Variants in RARB observed in about 807,000 individuals in gnomAD.
RARB encodes the protein HBV-activated protein.
In RARB, 17 loss-of-function variants were observed where a neutral mutation model predicts 51.9. The observed-to-expected ratio is 0.33, with a 90% CI of 0.22 to 0.49. The LOEUF (loss-of-function observed/expected upper bound fraction) is 0.49, where lower values mean the gene tolerates loss of function less well. RARB is among the 20% of genes least tolerant of loss of function. RARB has a pLI of 0.99. For synonymous variants in RARB, 215 were observed against 195.4 expected, an observed-to-expected ratio of 1.10 and a Z score of -0.84; for missense variants, 369 against 550.8, an observed-to-expected ratio of 0.67 and a Z score of 3.30.
chr3:25,506,772 A>G (rs566907294), intron 3 of RARB, among the ~76,000 whole-genome samples: 35 of 152,400 alleles, frequency 2.3e-4, no homozygotes, highest in African/African-American at 7.9e-4. Flanking sequence ...CCCACAGGCC[A>G]TGGTTTGCCA....
chr3:25,119,358 C>T (rs1314629138), intron 3 of RARB, among the ~76,000 whole-genome samples: 3 of 152,050 alleles, frequency 2.0e-5, no homozygotes, highest in Non-Finnish European at 4.4e-5. Context: ...TTGACCTTGG[C>T]AAATTGTCTA....
intron 1 of RARB, among the ~76,000 whole-genome samples, chr3:25,456,482 T>C (rs1023616172): frequency 1.3e-5 from 2 of 151,796 alleles, no homozygotes; most frequent in African/African-American, 4.8e-5. Flanking sequence ...GGTTTCCTGG[T>C]TGTAATTCTA....
chr3:25,277,595 T>C (rs751629165), intron 5 of RARB, among the ~76,000 whole-genome samples: 7 of 152,238 alleles, frequency 4.6e-5, no homozygotes, highest in Non-Finnish European at 8.8e-5. Context: ...ACTTAACTTA[T>C]GCAATGTTAT....
intron 1 of RARB, among the ~76,000 whole-genome samples, chr3:24,834,124 A>G (rs1475092366): frequency 2.6e-5 from 4 of 152,232 alleles, no homozygotes; most frequent in African/African-American, 9.6e-5. Flanking sequence ...ATTCAATACT[A>G]AGAGGTTGGA....
chr3:25,235,024 GC>G (rs1454203783), intron 5 of RARB, among the ~76,000 whole-genome samples: 1 of 152,096 alleles, frequency 6.6e-6, no homozygotes, highest in Non-Finnish European at 1.5e-5. Flanking sequence ...TTCATAGGGG[GC>G]CCCCTTTTTG....
chr3:25,533,388 A>G (rs558749983), intron 3 of RARB, among the ~76,000 whole-genome samples: 2 of 152,322 alleles, frequency 1.3e-5, no homozygotes, highest in South Asian at 4.1e-4. Flanking sequence ...AATCGAAAAC[A>G]CTAATGAGCC....
At chr3:25,368,609 A>G (rs1706204410) in intron 5 of RARB, among the ~76,000 whole-genome samples, 1 of 152,232 alleles carries the variant, frequency 6.6e-6, no homozygotes, top group African/African-American at 2.4e-5. Context: ...AACCTAGGTC[A>G]TGATAAGGCA....
In RARB at chr3:25,412,309, G is replaced by GT. The variant is rs201874959; in HGVS notation, c.179-48877dup. The stretch of plus-strand genomic sequence containing the variant: ...CATCTTAATATATTGAGGCTTTGGT[G>GT]TTTTTTTAATTGAATGTTGCTATTA... On this transcript the variant is annotated intron_variant, in intron 5 of 11. Coordinates refer to the RARB transcript ENST00000383772. Among the ~76,000 whole-genome samples, 678 of 152,148 alleles carry GT rather than the reference G, an allele frequency of 4.5e-3. 7 individuals carry two copies. The highest frequency in any genetic ancestry group is 0.016 in the African/African-American group (655 of 41,516).
At chr3:24,996,363 T>C (rs1486325256) in intron 2 of RARB, among the ~76,000 whole-genome samples, 1 of 152,070 alleles carries the variant, frequency 6.6e-6, no homozygotes, top group African/African-American at 2.4e-5. Context: ...TTTTTCTCAT[T>C]AGTCTATCTA....
chr3:25,323,210 G>C (rs1704621609), intron 5 of RARB, among the ~76,000 whole-genome samples: 1 of 152,212 alleles, frequency 6.6e-6, no homozygotes, highest in African/African-American at 2.4e-5. Context: ...CCAACACACA[G>C]CATCACTGTC....
chr3:25,046,814 G>A (rs1698227053), intron 2 of RARB, among the ~76,000 whole-genome samples: 1 of 152,172 alleles, frequency 6.6e-6, no homozygotes, highest in South Asian at 2.1e-4. Context: ...TTGACTAATA[G>A]TTAATATATG....
At chr3:25,130,886 T>C (rs893812640) in intron 3 of RARB, among the ~76,000 whole-genome samples, 5 of 146,142 alleles carry the variant, frequency 3.4e-5, no homozygotes, top group Admixed American at 1.4e-4. Flanking sequence ...CAATATTTAT[T>C]ATTGATAATA....
chr3:25,574,110 A>G (rs1046958698), intron 4 of RARB, among the ~76,000 whole-genome samples: 1 of 152,206 alleles, frequency 6.6e-6, no homozygotes, highest in African/African-American at 2.4e-5. Context: ...AGCTTTCCAA[A>G]ATAGAATCAG....
At chr3:25,341,978 AAAC>A (rs1463032866) in intron 5 of RARB, among the ~76,000 whole-genome samples, 1 of 152,200 alleles carries the variant, frequency 6.6e-6, no homozygotes, top group Non-Finnish European at 1.5e-5. Flanking sequence ...TCTTCCACTA[AAAC>A]AACACTTCGT....
intron 3 of RARB, among the ~76,000 whole-genome samples, chr3:25,117,523 A>G (rs1200884154): frequency 6.6e-6 from 1 of 152,174 alleles, no homozygotes; most frequent in Non-Finnish European, 1.5e-5. Flanking sequence ...AGGCCAAAGG[A>G]AGCCAATGTA....
chr3:25,249,411 T>C lies in RARB; in HGVS notation c.178+74836T>C, dbSNP rs545080994. Among the ~76,000 whole-genome samples, 9 of 152,272 alleles carry C rather than the reference T, an allele frequency of 5.9e-5. No homozygotes were observed. In the South Asian group the frequency reaches 1.9e-3, roughly 32 times the overall value. ...AACTTTTTAATATCATTAATTTGAA[T>C]TCGTTTTCCAGAATGTCATAAATTT... On this transcript the variant is annotated intron_variant, in intron 5 of 11. Coordinates refer to the RARB transcript ENST00000383772.
chr3:24,901,212 TCC>T (rs1703598206), intron 2 of RARB, among the ~76,000 whole-genome samples: 1 of 152,208 alleles, frequency 6.6e-6, no homozygotes, highest in Admixed American at 6.5e-5. Context: ...CTATGTCCTT[TCC>T]TGGGAAACTG....
At chr3:25,010,009 C>T (rs942143848) in intron 2 of RARB, among the ~76,000 whole-genome samples, 14 of 152,064 alleles carry the variant, frequency 9.2e-5, no homozygotes, top group Admixed American at 2.6e-4. Flanking sequence ...TACCTTCTGC[C>T]AGTCCCAAAT....
intron 4 of RARB, among the ~76,000 whole-genome samples, chr3:25,149,679 C>T (rs1700250764): frequency 6.6e-6 from 1 of 152,196 alleles, no homozygotes; most frequent in African/African-American, 2.4e-5. Flanking sequence ...ATACAGTTTA[C>T]CTGTGCATGA....
Sources: allele counts gnomAD v4.1 joint callset (sites outside exome capture counted in the v4.1 genomes callset), GRCh38; gene constraint gnomAD v4.1.1; transcripts MANE v1.5; gene names NCBI Gene and HGNC (gene_info 2026-07-23, HGNC 2026-07-21).